Variants in ATAD3B observed in about 807,000 individuals in gnomAD.
ATAD3B encodes the protein ATPase family AAA domain containing 3B, also known as ATPase family AAA domain-containing protein 3B.
A neutral mutation model predicts 70.2 loss-of-function variants in ATAD3B; 59 were observed. The observed-to-expected ratio is 0.84, with a 90% CI of 0.68 to 1.04. The LOEUF (loss-of-function observed/expected upper bound fraction) is 1.04, where lower values mean the gene tolerates loss of function less well. Ranked by LOEUF, ATAD3B falls within the 50% of genes least tolerant of loss-of-function variation. The pLI, the probability that ATAD3B is intolerant of heterozygous loss-of-function variation, is 0.00. For missense variants in ATAD3B, 961 were observed against 913.4 expected (o/e 1.05, Z -0.67); for synonymous variants, 423 against 388.6 (o/e 1.09, Z -1.04).
intron 11 of ATAD3B, among the ~76,000 whole-genome samples, chr1:1,486,983 A>G (rs1467862460): frequency 2.0e-5 from 3 of 151,128 alleles, no homozygotes; most frequent in Non-Finnish European, 4.4e-5. Flanking sequence ...CCTCCCCCCA[A>G]CACGCCTGCA....
chr1:1,486,741 A>G, intron 11 of ATAD3B, 73 bp downstream of exon 11: 3 of 1,485,636 alleles, frequency 2.0e-6, no homozygotes, highest in Non-Finnish European at 1.8e-6. Context: ...AAGGGGGTCC[A>G]GGTGTCTCTT....
downstream of ATAD3B, among the ~76,000 whole-genome samples, chr1:1,502,179 A>T (rs534029745): frequency 6.9e-6 from 1 of 144,234 alleles, no homozygotes; most frequent in Non-Finnish European, 1.5e-5. Context: ...GCTGGCCTCT[A>T]GTATAGGTTT....
In ATAD3B at chr1:1,478,444, C is replaced by A; in HGVS notation, c.283-200C>A. 2.0e-6 allele frequency: 3 copies of A among 1,533,616 alleles called. 1 individual carries two copies. The highest frequency in any genetic ancestry group is 2.6e-6 in the Non-Finnish European group (3 of 1,135,916). On this transcript the variant is annotated intron_variant, in intron 2 of 15. Coordinates refer to ENST00000673477, the MANE Select transcript of ATAD3B (RefSeq NM_031921.6). Reference sequence around the variant, plus strand: ...CCGGGGGCCTTCGCAGGCTTCTCTGCTGGTGCTTCTGTGCCTGTGGGTCTG... The same window carrying A: ...CCGGGGGCCTTCGCAGGCTTCTCTGATGGTGCTTCTGTGCCTGTGGGTCTG...
At chr1:1,509,422 A>T in the ATAD3B span, 1 of 1,597,222 alleles carries the variant, frequency 6.3e-7, no homozygotes, top group South Asian at 1.1e-5. Flanking sequence ...GCGGCCCCGC[A>T]CATTTAGGAA....
rs141897484 is a variant in ATAD3B, at chr1:1,485,028, A to G, written c.763A>G (p.Thr255Ala). ...GTCTCTGCTGCAGGTGGCTGGGCTGACGCTGCTGGCTGTCGGGGTCTACTC... is the reference window on the plus strand; with the variant it reads ...GTCTCTGCTGCAGGTGGCTGGGCTGGCGCTGCTGGCTGTCGGGGTCTACTC... The part of the protein sequence containing the change: ...DKVTATVAGL[T>A]LLAVGVYSAK... Residue 255 changes from threonine to alanine, a missense_variant, in exon 8 of 16, where the codon ACG (threonine) becomes GCG (alanine). Thr to Ala is a moderately conservative substitution (Grantham distance 58). Coordinates refer to ENST00000673477, the MANE Select transcript of ATAD3B (RefSeq NM_031921.6). 1.4e-4 allele frequency: 221 copies of G among 1,602,950 alleles called. 4 individuals carry two copies. The African/African-American group carries it at 2.6e-3, about 19-fold the overall frequency.
At chr1:1,502,785 T>C (rs1324176123), downstream of ATAD3B, among the ~76,000 whole-genome samples, 12 of 150,836 alleles carry the variant, frequency 8.0e-5, no homozygotes, top group Admixed American at 7.9e-4. Context: ...GTGCTGGGAT[T>C]ACAGGCATGA....
the ATAD3B span, among the ~76,000 whole-genome samples, chr1:1,508,769 G>A: frequency 2.0e-5 from 3 of 151,298 alleles, no homozygotes; most frequent in Non-Finnish European, 4.4e-5. Flanking sequence ...CACCAGCCAC[G>A]TGCCTCAAGG....
At chr1:1,480,508 T>C (rs1639854568) in intron 4 of ATAD3B, among the ~76,000 whole-genome samples, 1 of 147,592 alleles carries the variant, frequency 6.8e-6, no homozygotes, top group Non-Finnish European at 1.5e-5. Context: ...GTTCACATGT[T>C]GCCTGTTGTG....
chr1:1,479,628 T>C (rs1247596394), intron 4 of ATAD3B, among the ~76,000 whole-genome samples: 2 of 116,596 alleles, frequency 1.7e-5, no homozygotes, highest in Non-Finnish European at 3.5e-5. Context: ...AGGGGCATGC[T>C]CACACAGCCC....
intron 1 of ATAD3B, among the ~76,000 whole-genome samples, chr1:1,476,814 A>AT (rs912803787): frequency 3.0e-4 from 44 of 145,516 alleles, no homozygotes; most frequent in Non-Finnish European, 6.4e-4. Context: ...TGCTAGAATA[A>AT]TTTTTTTTTA....
At chr1:1,484,951 C>T (rs1419411107) in intron 7 of ATAD3B, 65 bp from the exon 8 acceptor site, 20 of 1,536,632 alleles carry the variant, frequency 1.3e-5, no homozygotes, top group Middle Eastern at 2.3e-4. Context: ...CAGCCCCGTG[C>T]GTCTCCTGCT....
chr1:1,490,761 C>T (rs1453184369), intron 15 of ATAD3B, 90 bp downstream of exon 15: 4 of 1,516,638 alleles, frequency 2.6e-6, no homozygotes, highest in Non-Finnish European at 3.5e-6. Flanking sequence ...GCACCGGTGT[C>T]ATGTGGGAGC....
chr1:1,475,597 C>T (rs1319174949), intron 1 of ATAD3B, among the ~76,000 whole-genome samples: 2 of 151,962 alleles, frequency 1.3e-5, no homozygotes, highest in South Asian at 2.1e-4. Context: ...ACCCCTCCTC[C>T]GGCCTGTCCT....
Position 1,474,348 on chromosome 1 carries a change from GC to G in ATAD3B, c.205+2262del, listed in dbSNP as rs538601313. On this transcript the variant is annotated intron_variant, in intron 1 of 15. Coordinates refer to ENST00000673477, the MANE Select transcript of ATAD3B (RefSeq NM_031921.6). ...TGGGACTACAAGTGCCCGCCGCCACGCCCGGCTAATTTTTTGTATTTTTTTT... is the reference window on the plus strand; with the variant it reads ...TGGGACTACAAGTGCCCGCCGCCACGCCGGCTAATTTTTTGTATTTTTTTT... Among the ~76,000 whole-genome samples the G allele has an allele frequency of 5.0e-5, 7 of 140,578 alleles. No individual in the cohort carries two copies. In the East Asian group the frequency reaches 1.5e-3, roughly 31 times the overall value. 92.2% of individuals were successfully genotyped at this position (140,578 alleles called of 152,430 possible). A position where few individuals can be genotyped will look rare whatever the true frequency, so the allele number is the denominator to read the frequency against.
In ATAD3B at chr1:1,488,299, G is replaced by C. The variant is rs1419728924; in HGVS notation, c.1266+385G>C. On this transcript the variant is annotated intron_variant, in intron 12 of 15. Coordinates refer to ENST00000673477, the MANE Select transcript of ATAD3B (RefSeq NM_031921.6). ...TACAGGGTGTCTGTCGCCCAGGCTGGAGTGCAGGGGCGACATCTCCAGCTC... is the reference window on the plus strand; with the variant it reads ...TACAGGGTGTCTGTCGCCCAGGCTGCAGTGCAGGGGCGACATCTCCAGCTC... 2.0e-5 allele frequency among the ~76,000 whole-genome samples: 3 copies of C among 151,888 alleles called. 1 individual carries two copies. The South Asian group carries it at 6.2e-4, about 32-fold the overall frequency.
intron 4 of ATAD3B, among the ~76,000 whole-genome samples, chr1:1,479,690 C>T (rs1314664179): frequency 6.9e-6 from 1 of 144,868 alleles, no homozygotes; most frequent in Non-Finnish European, 1.5e-5. Flanking sequence ...TCCTCAGGCA[C>T]ACACTCCCGC....
intron 1 of ATAD3B, among the ~76,000 whole-genome samples, chr1:1,472,623 G>T (rs1343112474): frequency 6.6e-6 from 1 of 152,080 alleles, no homozygotes; most frequent in Non-Finnish European, 1.5e-5. Context: ...TGCTCAGCTT[G>T]AGTAAACCCC....
At chr1:1,507,288 G>A in the ATAD3B span, among the ~76,000 whole-genome samples, 3 of 152,244 alleles carry the variant, frequency 2.0e-5, no homozygotes, top group South Asian at 2.1e-4. Context: ...TTTCACCACT[G>A]AGTATGTCAC....
intron 15 of ATAD3B, among the ~76,000 whole-genome samples, chr1:1,495,025 G>A (rs2100603814): frequency 6.6e-6 from 1 of 152,216 alleles, no homozygotes; most frequent in South Asian, 2.1e-4. Flanking sequence ...GGAGGACAGG[G>A]AAATGGAGGC....
Sources: allele counts gnomAD v4.1 joint callset (sites outside exome capture counted in the v4.1 genomes callset), GRCh38; gene constraint gnomAD v4.1.1; transcripts MANE v1.5; gene names NCBI Gene and HGNC (gene_info 2026-07-23, HGNC 2026-07-21).